SACM1L: variants seen among roughly 807,000 people sequenced by gnomAD.
SACM1L encodes SAC1 like phosphatidylinositide phosphatase.
SACM1L carries 32 observed loss-of-function variants against 89.5 expected under a neutral mutation model. The observed-to-expected ratio is 0.36, with a 90% CI of 0.27 to 0.48. The LOEUF is 0.48. SACM1L is among the 20% of genes least tolerant of loss of function. The pLI, the probability that SACM1L is intolerant of heterozygous loss-of-function variation, is 0.99. For synonymous variants in SACM1L, 213 were observed against 232.8 expected (o/e 0.92, Z 0.77); for missense variants, 543 against 708.5 (o/e 0.77, Z 2.65).
chr3:45,700,836 T>C (rs1397502556), intron 1 of SACM1L, among the ~76,000 whole-genome samples: 1 of 152,174 alleles, frequency 6.6e-6, no homozygotes, highest in East Asian at 1.9e-4. Context: ...CATGGCCAGC[T>C]AATGTTTGTA....
chr3:45,739,503 T>C, intron 18 of SACM1L, 84 bp from the exon 19 acceptor site: 1 of 1,181,248 alleles, frequency 8.5e-7, no homozygotes, highest in South Asian at 1.2e-5. Flanking sequence ...TTTTATTCTT[T>C]TCCCAAGCAA....
At chr3:45,738,721 A>G in intron 17 of SACM1L, 50 bp downstream of exon 17, 1 of 1,518,246 alleles carries the variant, frequency 6.6e-7, no homozygotes, top group African/African-American at 1.4e-5. Flanking sequence ...GTATCTTTGC[A>G]TTGTTCATCA....
At chr3:45,705,455 C>T (rs932971057) in intron 3 of SACM1L, among the ~76,000 whole-genome samples, 1 of 150,298 alleles carries the variant, frequency 6.7e-6, no homozygotes, top group African/African-American at 2.5e-5. Context: ...GAGTTGAAAT[C>T]CTTAGCTAGA....
At chr3:45,705,811 A>G (rs1698380083) in intron 3 of SACM1L, among the ~76,000 whole-genome samples, 1 of 152,212 alleles carries the variant, frequency 6.6e-6, no homozygotes, top group African/African-American at 2.4e-5. Context: ...TCCTGTAAAT[A>G]AAATTTTCAA....
chr3:45,737,060 A>C (rs1481595976), intron 14 of SACM1L, among the ~76,000 whole-genome samples: 1 of 151,932 alleles, frequency 6.6e-6, no homozygotes, highest in Non-Finnish European at 1.5e-5. Flanking sequence ...TATAGAGGGG[A>C]TTCAGGGGGC....
intron 11 of SACM1L, among the ~76,000 whole-genome samples, chr3:45,726,262 A>G (rs1319194085): frequency 1.3e-5 from 2 of 152,110 alleles, no homozygotes; most frequent in East Asian, 3.8e-4. Context: ...AGTTTGAGGA[A>G]GACTGGTGTT....
intron 12 of SACM1L, among the ~76,000 whole-genome samples, chr3:45,731,732 C>T (rs766735889): frequency 2.0e-5 from 3 of 152,174 alleles, no homozygotes; most frequent in Non-Finnish European, 4.4e-5. Flanking sequence ...TACTTCACTA[C>T]CATTTGTTGT....
At chr3:45,721,297 A>AG (rs1698782094) in intron 8 of SACM1L, among the ~76,000 whole-genome samples, 1 of 152,228 alleles carries the variant, frequency 6.6e-6, no homozygotes, top group Non-Finnish European at 1.5e-5. Context: ...CGAGGCAGGC[A>AG]GATCACCTGA....
intron 14 of SACM1L, 32 bp from the exon 15 acceptor site, chr3:45,737,551 C>T (rs2125706070): frequency 1.9e-6 from 3 of 1,574,364 alleles, no homozygotes; most frequent in Non-Finnish European, 2.6e-6. Flanking sequence ...AAATCTATTA[C>T]ACATAAATCT....
In SACM1L at chr3:45,738,620, GA is replaced by G. The variant is rs1699253197; in HGVS notation, c.1427del (p.Asn476ThrfsTer3). On this transcript the variant is annotated frameshift_variant, in exon 17 of 20. Coordinates refer to ENST00000389061, the MANE Select transcript of SACM1L (RefSeq NM_014016.5). LOFTEE classifies it high-confidence loss of function. ...THLGLIMDGW[N>X]SMIRYYKNNF... ...ATTTGGGACTTATAATGGATGGCTG[GA>G]ACTCAATGATACGATATTATAAGAA... The G allele has an allele frequency of 1.2e-6, 2 of 1,613,054 alleles. No homozygotes were observed. The highest frequency in any genetic ancestry group is 1.7e-6 in the Non-Finnish European group (2 of 1,179,294).
intron 10 of SACM1L, 68 bp downstream of exon 10, chr3:45,723,023 A>G (rs1698823063): frequency 2.4e-6 from 3 of 1,231,398 alleles, no homozygotes; most frequent in South Asian, 2.5e-5. Flanking sequence ...ATTTGCATGT[A>G]AAGAATGTAT....
Position 45,735,376 on chromosome 3 carries a change from G to A in SACM1L, c.1239+3G>A. On this transcript the variant is annotated splice_donor_region_variant and intron_variant, in intron 14 of 19. Transcript: ENST00000389061. Reference sequence around the variant, plus strand: ...GTTCACTTCAGGCCCAACTTCAGGTGCGAATGCTTTTTTTTTTTTTAATTG... The same window carrying A: ...GTTCACTTCAGGCCCAACTTCAGGTACGAATGCTTTTTTTTTTTTTAATTG... 1 of 1,495,524 alleles carries A rather than the reference G, an allele frequency of 6.7e-7. No individual in the cohort carries two copies. The highest frequency in any genetic ancestry group is 1.3e-5 in the South Asian group (1 of 74,684). The allele number at this position is 1,495,524 out of a possible 1,614,324, so 92.6% of individuals were successfully genotyped here. A position where few individuals can be genotyped will look rare whatever the true frequency, so the allele number is the denominator to read the frequency against.
At position 45,735,038 on chromosome 3, in the gene SACM1L, A is replaced by G. The variant is rs1241742822; in HGVS notation, c.1101-197A>G. 4 of 436,636 alleles carry G rather than the reference A, an allele frequency of 9.2e-6. No individual in the cohort carries two copies. In the Admixed American group the frequency reaches 1.2e-4, roughly 13 times the overall value. 27.0% of individuals were successfully genotyped at this position (436,636 alleles called of 1,614,324 possible). A position where few individuals can be genotyped will look rare whatever the true frequency, so the allele number is the denominator to read the frequency against. ...TAATCTTCAGCCATTTTTTGGATGG[A>G]GGGCTGTCTTGCCTCAGCCATTTAG... On this transcript the variant is annotated intron_variant, in intron 13 of 19. Transcript: ENST00000389061.
In SACM1L at chr3:45,743,772, C is replaced by T; in HGVS notation, c.*103C>T. The T allele has an allele frequency of 8.0e-7, 1 of 1,256,036 alleles. No homozygotes were observed. Among genetic ancestry groups the T allele is most frequent in the Non-Finnish European group, 1.1e-6 (1 of 913,922 alleles). The allele number at this position is 1,256,036 out of a possible 1,614,324, so 77.8% of individuals were successfully genotyped here. On this transcript the variant is annotated 3_prime_UTR_variant, in exon 20 of 20. Transcript: ENST00000389061. The stretch of plus-strand genomic sequence containing the variant: ...CATCAGCCCAAGGTCTTTTTAATGC[C>T]TTTATCCAAAAGCACATCTTGTGCT...
intron 11 of SACM1L, among the ~76,000 whole-genome samples, chr3:45,727,132 G>A (rs571359932): frequency 0.021 from 462 of 22,148 alleles, 162 homozygotes; most frequent in African/African-American, 0.076. Context: ...TGATCCACCC[G>A]CCTCGGCCTC....
chr3:45,713,376 A>C (rs1439471055), intron 6 of SACM1L, 180 bp downstream of exon 6: 1 of 480,520 alleles, frequency 2.1e-6, no homozygotes, highest in East Asian at 3.4e-5. Context: ...GAAGAAGCCT[A>C]ACTATTTTAC....
At chr3:45,703,647 C>T (rs945675897) in intron 2 of SACM1L, 112 bp downstream of exon 2, 2 of 598,154 alleles carry the variant, frequency 3.3e-6, no homozygotes, top group Non-Finnish European at 5.6e-6. Context: ...TGAGTGCATT[C>T]TTATTAAAAT....
At chr3:45,699,623 G>A (rs1698219674) in intron 1 of SACM1L, among the ~76,000 whole-genome samples, 2 of 152,134 alleles carry the variant, frequency 1.3e-5, no homozygotes, top group Non-Finnish European at 2.9e-5. Context: ...CATCTCCTGG[G>A]TTCAGGCAAT....
At position 45,726,978 on chromosome 3, in the gene SACM1L, C is replaced by T. The variant is rs1698937579; in HGVS notation, c.921+3435C>T. On this transcript the variant is annotated intron_variant, in intron 11 of 19. Transcript: ENST00000389061. ...TCGGCTCACTGCAAGCTCCGCTTCC[C>T]GGGTTCACGCCATTCTCCTGCCTCA... Among the ~76,000 whole-genome samples, 2 of 74,028 alleles carry T rather than the reference C, an allele frequency of 2.7e-5. 1 individual carries two copies. The highest frequency in any genetic ancestry group is 1.1e-4 in the African/African-American group (2 of 18,626). The allele number at this position is 74,028 out of a possible 152,430, so 48.6% of individuals were successfully genotyped here.
Sources: allele counts gnomAD v4.1 joint callset (sites outside exome capture counted in the v4.1 genomes callset), GRCh38; gene constraint gnomAD v4.1.1; transcripts MANE v1.5; gene names NCBI Gene and HGNC (gene_info 2026-07-23, HGNC 2026-07-21).